The following HIPK3 variants were observed in gnomAD, a reference collection of about 807,000 sequenced individuals.
The protein encoded by HIPK3 is homeodomain interacting protein kinase 3.
A neutral mutation model predicts 124.2 loss-of-function variants in HIPK3; 47 were observed. That is an observed-to-expected ratio of 0.38 (90% confidence interval 0.30 to 0.48). The LOEUF (loss-of-function observed/expected upper bound fraction) is 0.48, where lower values mean the gene tolerates loss of function less well. Among genes scored for constraint, HIPK3 ranks in the 20% least tolerant of loss-of-function variants. The pLI, the probability that HIPK3 is intolerant of heterozygous loss-of-function variation, is 0.98. For missense variants in HIPK3, 1,286 were observed against 1,454.3 expected (o/e 0.88, Z 1.88); for synonymous variants, 482 against 515.2 (o/e 0.94, Z 0.87).
Position 33,291,585 on chromosome 11 carries a change from G to C in HIPK3, c.1097+4074G>C, listed in dbSNP as rs1429393180. On this transcript the variant is annotated intron_variant, in intron 2 of 16. Transcript: ENST00000303296. ...GTGCTAAGGGCATTGATTTGCTTAA[G>C]GTCAGCATGTTCTAAATTGAGCTGC... Among the ~76,000 whole-genome samples, 5 of 152,182 alleles carry C rather than the reference G, an allele frequency of 3.3e-5. No homozygotes were observed. In the East Asian group the frequency reaches 9.6e-4, roughly 29 times the overall value.
At chr11:33,299,376 G>A in intron 2 of HIPK3, among the ~76,000 whole-genome samples, 1 of 151,902 alleles carries the variant, frequency 6.6e-6, no homozygotes, top group South Asian at 2.1e-4. Context: ...GGAGGCTGAG[G>A]CAGGAGAATC....
chr11:33,353,511 T>C lies in HIPK3; in HGVS notation c.3591T>C (p.Pro1197=). ...CACATTCTTACATTGCAGCATCACC[T>C]GCATATACTGGATTTCCACTGAGTC... ...FPPHSYIAAS[P]AYTGFPLSPT... Residue 1197 remains proline, a synonymous_variant, in exon 17 of 17, where the codon CCT becomes CCC. Coordinates refer to ENST00000303296, the MANE Select transcript of HIPK3 (RefSeq NM_005734.5). 6.2e-7 allele frequency: 1 copy of C among 1,614,082 alleles called. No individual in the cohort carries two copies.
At position 33,351,860 on chromosome 11, in the gene HIPK3, C is replaced by G; in HGVS notation, c.3043+17C>G. ...CAAACACAGGTAAGTTGAGTCCTCCCATTTCTCTGGTTGTCCTTTAAATAC... is the reference window on the plus strand; with the variant it reads ...CAAACACAGGTAAGTTGAGTCCTCCGATTTCTCTGGTTGTCCTTTAAATAC... On this transcript the variant is annotated intron_variant, in intron 15 of 16. Transcript: ENST00000303296. 1 of 1,575,212 alleles carries G rather than the reference C, an allele frequency of 6.3e-7. No homozygotes were observed. Among genetic ancestry groups the G allele is most frequent in the Non-Finnish European group, 8.7e-7 (1 of 1,147,136 alleles).
At chr11:33,347,075 C>T (rs989061897) in intron 8 of HIPK3, among the ~76,000 whole-genome samples, 2 of 151,432 alleles carry the variant, frequency 1.3e-5, no homozygotes, top group African/African-American at 4.9e-5. Flanking sequence ...CCCAGCTGCT[C>T]AAGAGGTTGA....
Position 33,353,172 on chromosome 11 carries a change from T to C in HIPK3, c.3252T>C (p.Ser1084=). Reference sequence around the variant, plus strand: ...GACAGCAAGCTTATATTCCTACTAGTGTTACCAGTAATCCATTCACTCTTT... The same window carrying C: ...GACAGCAAGCTTATATTCCTACTAGCGTTACCAGTAATCCATTCACTCTTT... The part of the protein sequence containing the change: ...HRRQQAYIPT[S]VTSNPFTLSH... Residue 1084 remains serine, a synonymous_variant, in exon 17 of 17, where the codon AGT becomes AGC. Coordinates refer to ENST00000303296, the MANE Select transcript of HIPK3 (RefSeq NM_005734.5). The C allele has an allele frequency of 1.2e-6, 2 of 1,613,942 alleles. No individual in the cohort carries two copies. The highest frequency in any genetic ancestry group is 1.7e-6 in the Non-Finnish European group (2 of 1,179,946).
intron 2 of HIPK3, among the ~76,000 whole-genome samples, chr11:33,293,867 A>G (rs1851767085): frequency 6.6e-6 from 1 of 152,066 alleles, no homozygotes. Context: ...ACAAAGAACA[A>G]AAAAAAGTAG....
In HIPK3 at chr11:33,284,417, G is replaced by A. The variant is rs956811306; in HGVS notation, c.-2-1996G>A. Among the ~76,000 whole-genome samples the A allele has an allele frequency of 2.6e-5, 4 of 152,172 alleles. No individual in the cohort carries two copies. The East Asian group carries it at 7.7e-4, about 29-fold the overall frequency. ...ATGCTAACCCCTGCCTAGAGGGTGAGTTTATATGTTTCAGGAAAGGCTTCA... is the reference window on the plus strand; with the variant it reads ...ATGCTAACCCCTGCCTAGAGGGTGAATTTATATGTTTCAGGAAAGGCTTCA... On this transcript the variant is annotated intron_variant, in intron 1 of 16. Transcript: ENST00000303296.
chr11:33,271,610 A>G (rs896683114), intron 1 of HIPK3, among the ~76,000 whole-genome samples: 3 of 152,222 alleles, frequency 2.0e-5, no homozygotes, highest in African/African-American at 2.4e-5. Flanking sequence ...CTATTTGAGA[A>G]TAGATTTCTA....
chr11:33,307,956 T>C (rs1387179453), intron 2 of HIPK3, among the ~76,000 whole-genome samples: 1 of 152,200 alleles, frequency 6.6e-6, no homozygotes, highest in African/African-American at 2.4e-5. Flanking sequence ...ATTTCCCTTA[T>C]GATTATGATT....
intron 1 of HIPK3, chr11:33,258,217 C>T (rs914142735): frequency 3.8e-6 from 3 of 795,414 alleles, no homozygotes; most frequent in Non-Finnish European, 4.6e-6. Flanking sequence ...CCCCCCTCCC[C>T]CTGCCAAGGT....
rs1260929744 is a variant in HIPK3 at position 33,257,646 on chromosome 11, G to A, written c.-246G>A. ...CCCGGGAAGGAAGATGAGGGAGACG[G>A]GCCCGGCGCTTAGCAGCCAGAGCAG... On this transcript the variant is annotated 5_prime_UTR_variant, in exon 1 of 17. Coordinates refer to ENST00000303296, the MANE Select transcript of HIPK3 (RefSeq NM_005734.5). The A allele has an allele frequency of 1.3e-5, 13 of 991,552 alleles. No individual in the cohort carries two copies. Among genetic ancestry groups the A allele is most frequent in the Non-Finnish European group, 1.6e-5 (13 of 834,306 alleles). 61.4% of individuals were successfully genotyped at this position (991,552 alleles called of 1,614,324 possible). A position where few individuals can be genotyped will look rare whatever the true frequency, so the allele number is the denominator to read the frequency against.
intron 2 of HIPK3, among the ~76,000 whole-genome samples, chr11:33,307,607 C>T (rs1339008032): frequency 6.6e-6 from 1 of 151,130 alleles, no homozygotes; most frequent in Non-Finnish European, 1.5e-5. Flanking sequence ...GGGGTTTCAC[C>T]GTGTTAGCCA....
intron 2 of HIPK3, among the ~76,000 whole-genome samples, chr11:33,295,452 G>T (rs1851817846): frequency 6.6e-6 from 1 of 152,232 alleles, no homozygotes; most frequent in Non-Finnish European, 1.5e-5. Context: ...GTTGGCTGTG[G>T]AGGCCTCGCA....
At chr11:33,332,297 C>G (rs1457163399) in intron 3 of HIPK3, among the ~76,000 whole-genome samples, 5 of 152,164 alleles carry the variant, frequency 3.3e-5, no homozygotes, top group African/African-American at 9.6e-5. Context: ...ATATAGACAT[C>G]TATATTTAGT....
intron 2 of HIPK3, among the ~76,000 whole-genome samples, chr11:33,291,917 A>C (rs1851708678): frequency 6.6e-6 from 1 of 152,172 alleles, no homozygotes; most frequent in African/African-American, 2.4e-5. Context: ...GTAATAGTTA[A>C]CAAAAAGGTA....
At chr11:33,334,123 C>T (rs972797439) in intron 3 of HIPK3, among the ~76,000 whole-genome samples, 5 of 151,772 alleles carry the variant, frequency 3.3e-5, no homozygotes, top group Non-Finnish European at 5.9e-5. Flanking sequence ...ATTGGGGATA[C>T]AAATGTGGAT....
At chr11:33,264,353 T>G (rs1850901804) in intron 1 of HIPK3, among the ~76,000 whole-genome samples, 2 of 152,136 alleles carry the variant, frequency 1.3e-5, no homozygotes, top group Admixed American at 1.3e-4. Context: ...TTATTTTGAG[T>G]AATTGTTTAT....
At position 33,339,498 on chromosome 11, in the gene HIPK3, A is replaced by T; in HGVS notation, c.1577A>T (p.Asn526Ile). Reference sequence around the variant, plus strand: ...GAGACCCTGAACCATCCTTTTGTTAATATGAAACATCTTCTAGATTTCCCT... The same window carrying T: ...GAGACCCTGAACCATCCTTTTGTTATTATGAAACATCTTCTAGATTTCCCT... ...PAETLNHPFVNMKHLLDFPHS... is the reference protein window; with the variant it reads ...PAETLNHPFVIMKHLLDFPHS... The change falls in exon 6 of 17, where the codon AAT (asparagine) becomes ATT (isoleucine). Residue 526 changes from asparagine to isoleucine, a missense_variant. Transcript: ENST00000303296. The T allele has an allele frequency of 6.2e-7, 1 of 1,608,458 alleles. No individual in the cohort carries two copies. The highest frequency in any genetic ancestry group is 8.5e-7 in the Non-Finnish European group (1 of 1,176,064).
At chr11:33,317,818 A>G (rs1852550183) in intron 2 of HIPK3, among the ~76,000 whole-genome samples, 3 of 152,186 alleles carry the variant, frequency 2.0e-5, no homozygotes, top group South Asian at 2.1e-4. Flanking sequence ...TGTTGAGTGC[A>G]TGATGAATTG....
Sources: gnomAD v4.1 joint callset for allele counts (sites outside exome capture counted in the v4.1 genomes callset) on GRCh38, gnomAD v4.1.1 for gene constraint, MANE v1.5 for transcripts, NCBI Gene and HGNC (gene_info 2026-07-23, HGNC 2026-07-21) for gene names.